PDCD1LG2: variants seen among roughly 807,000 people sequenced by gnomAD.
PDCD1LG2 encodes the protein B7 dendritic cell molecule.
PDCD1LG2 carries 32 observed loss-of-function variants against 28.2 expected under a neutral mutation model. The ratio of observed to expected loss-of-function variants is 1.13; its 90% confidence interval spans 0.86 to 1.52. The LOEUF (loss-of-function observed/expected upper bound fraction) is 1.52, where lower values mean the gene tolerates loss of function less well. PDCD1LG2 is among the 40% of genes most tolerant of loss of function. PDCD1LG2 has a pLI of 0.00. For synonymous variants in PDCD1LG2, 116 were observed against 120.2 expected, an observed-to-expected ratio of 0.97 and a Z score of 0.23; for missense variants, 385 against 323.8, an observed-to-expected ratio of 1.19 and a Z score of -1.45.
Position 5,557,648 on chromosome 9 carries a change from G to T in PDCD1LG2, c.662G>T (p.Trp221Leu), listed in dbSNP as rs1368948041. The T allele has an allele frequency of 1.2e-6, 2 of 1,613,962 alleles. No individual in the cohort carries two copies. The highest frequency in any genetic ancestry group is 1.1e-5 in the South Asian group (1 of 91,084). Reference sequence around the variant, plus strand: ...ATGGAACCCAGGACCCATCCAACTTGGCTGCTTCACATTTTCATCCCCTTC... The same window carrying T: ...ATGGAACCCAGGACCCATCCAACTTTGCTGCTTCACATTTTCATCCCCTTC... ...SQMEPRTHPTWLLHIFIPFCI... is the reference protein window; with the variant it reads ...SQMEPRTHPTLLLHIFIPFCI... The change falls in exon 5 of 7, where the codon TGG becomes TTG. Residue 221 changes from tryptophan (W) to leucine (L), a missense_variant. By Grantham distance (61) the Trp-to-Leu change is moderately conservative. Transcript: ENST00000397747.
chr9:5,512,053 A>T (rs958488269), intron 1 of PDCD1LG2, among the ~76,000 whole-genome samples: 4 of 152,220 alleles, frequency 2.6e-5, no homozygotes, highest in African/African-American at 9.6e-5. Flanking sequence ...GGTTGATTTG[A>T]AAAAGGAGAT....
intron 3 of PDCD1LG2, among the ~76,000 whole-genome samples, chr9:5,545,374 T>C (rs1389755765): frequency 6.6e-6 from 1 of 152,272 alleles, no homozygotes; most frequent in Non-Finnish European, 1.5e-5. Flanking sequence ...ACAATTTTGC[T>C]TGGCATGAAG....
Position 5,549,657 on chromosome 9 carries a change from C to T in PDCD1LG2, c.631+53C>T, listed in dbSNP as rs1816287557. 3.1e-6 allele frequency: 5 copies of T among 1,595,646 alleles called. No homozygotes were observed. The South Asian group carries it at 4.5e-5, about 14-fold the overall frequency. ...TATCAGTTAGGGTTCAGACAAGAAA[C>T]AGATGGCATACTCGAGTGATTTGAG... On this transcript the variant is annotated intron_variant, in intron 4 of 6. Transcript: ENST00000397747.
At chr9:5,539,054 T>C (rs886382878) in intron 3 of PDCD1LG2, among the ~76,000 whole-genome samples, 8 of 152,222 alleles carry the variant, frequency 5.3e-5, no homozygotes, top group African/African-American at 1.9e-4. Context: ...TCAAGGATAA[T>C]GTTGTATATA....
chr9:5,545,866 G>A (rs1267571169), intron 3 of PDCD1LG2, among the ~76,000 whole-genome samples: 3 of 152,138 alleles, frequency 2.0e-5, no homozygotes, highest in East Asian at 1.9e-4. Flanking sequence ...AATTATCTAG[G>A]AGAATTGCTG....
chr9:5,567,783 C>A (rs896820121), intron 6 of PDCD1LG2, among the ~76,000 whole-genome samples: 3 of 152,186 alleles, frequency 2.0e-5, no homozygotes, highest in African/African-American at 7.2e-5. Context: ...CATGTGGGAA[C>A]TAGAAGGATG....
intron 5 of PDCD1LG2, among the ~76,000 whole-genome samples, chr9:5,559,893 C>T (rs10975179): frequency 0.19 from 28,646 of 152,094 alleles, 4,187 homozygotes; most frequent in African/African-American, 0.41. Context: ...GCTCTAACCA[C>T]ACAGGATTTT....
chr9:5,534,359 G>T (rs1316219496), intron 2 of PDCD1LG2, among the ~76,000 whole-genome samples: 2 of 152,196 alleles, frequency 1.3e-5, no homozygotes, highest in East Asian at 1.9e-4. Flanking sequence ...GAAGTCGAAA[G>T]GAAGCATTTT....
chr9:5,533,043 C>G (rs1173246114), intron 2 of PDCD1LG2, among the ~76,000 whole-genome samples: 1 of 152,208 alleles, frequency 6.6e-6, no homozygotes, highest in African/African-American at 2.4e-5. Flanking sequence ...CTATGCTCTT[C>G]CGTATCACAT....
intron 6 of PDCD1LG2, among the ~76,000 whole-genome samples, chr9:5,566,874 T>C (rs56693933): frequency 3.9e-5 from 6 of 152,318 alleles, no homozygotes; most frequent in African/African-American, 1.2e-4. Context: ...GTATCATTCA[T>C]GTCCTATTAA....
intron 2 of PDCD1LG2, among the ~76,000 whole-genome samples, chr9:5,522,896 A>C (rs531263598): frequency 6.6e-6 from 1 of 152,324 alleles, no homozygotes; most frequent in Admixed American, 6.5e-5. Context: ...CTAAACTGAT[A>C]CAAGAGGGCA....
At chr9:5,553,304 C>T (rs571155551) in intron 4 of PDCD1LG2, among the ~76,000 whole-genome samples, 37 of 152,280 alleles carry the variant, frequency 2.4e-4, no homozygotes, top group Middle Eastern at 3.4e-3. Flanking sequence ...AAGATGAACT[C>T]TAACTAATTC....
In PDCD1LG2 at chr9:5,549,650, C is replaced by T. The variant is rs1350027127; in HGVS notation, c.631+46C>T. ...CTAGGTCTATCAGTTAGGGTTCAGACAAGAAACAGATGGCATACTCGAGTG... is the reference window on the plus strand; with the variant it reads ...CTAGGTCTATCAGTTAGGGTTCAGATAAGAAACAGATGGCATACTCGAGTG... On this transcript the variant is annotated intron_variant, in intron 4 of 6. Transcript: ENST00000397747. The T allele has an allele frequency of 3.1e-6, 5 of 1,602,342 alleles. No individual in the cohort carries two copies. The African/African-American group carries it at 5.4e-5, about 17-fold the overall frequency.
chr9:5,552,910 G>A (rs561583150), intron 4 of PDCD1LG2, among the ~76,000 whole-genome samples: 1 of 152,254 alleles, frequency 6.6e-6, no homozygotes, highest in East Asian at 1.9e-4. Context: ...TAGTTTAGAA[G>A]GAAAGAGAGG....
intron 1 of PDCD1LG2, among the ~76,000 whole-genome samples, chr9:5,516,859 C>G (rs1228017350): frequency 6.6e-6 from 1 of 152,194 alleles, no homozygotes; most frequent in African/African-American, 2.4e-5. Flanking sequence ...CACTTTCAAC[C>G]TTGTGGGAGC....
chr9:5,551,723 C>G (rs1816337720), intron 4 of PDCD1LG2, among the ~76,000 whole-genome samples: 2 of 152,106 alleles, frequency 1.3e-5, no homozygotes, highest in Admixed American at 1.3e-4. Flanking sequence ...TGAGTGTAAG[C>G]CTAACTAGAA....
Position 5,534,629 on chromosome 9 carries a change from G to C in PDCD1LG2, c.56-116G>C, listed in dbSNP as rs192614558. 1.4e-4 allele frequency: 125 copies of C among 879,858 alleles called. No homozygotes were observed. In the African/African-American group the frequency reaches 1.7e-3, roughly 12 times the overall value. 54.5% of individuals were successfully genotyped at this position (879,858 alleles called of 1,614,324 possible). ...AAAGGATTCGCCACGGGAATGTCCA[G>C]ATAAGACAGGTGCCTTTTGGAAAAT... On this transcript the variant is annotated intron_variant, in intron 2 of 6. Coordinates refer to ENST00000397747, the MANE Select transcript of PDCD1LG2 (RefSeq NM_025239.4).
At chr9:5,525,500 A>G (rs1820356579) in intron 2 of PDCD1LG2, among the ~76,000 whole-genome samples, 1 of 151,572 alleles carries the variant, frequency 6.6e-6, no homozygotes, top group East Asian at 1.9e-4. Flanking sequence ...GTATATTTGC[A>G]GAATATATAT....
At position 5,544,698 on chromosome 9, in the gene PDCD1LG2, G is replaced by A. The variant is rs184132153; in HGVS notation, c.362-4637G>A. Reference sequence around the variant, plus strand: ...GACTAGATCTATAACAGACTGAAAAGCTAGTAGTTGTTGAGTCAGGGACAA... The same window carrying A: ...GACTAGATCTATAACAGACTGAAAAACTAGTAGTTGTTGAGTCAGGGACAA... On this transcript the variant is annotated intron_variant, in intron 3 of 6. Coordinates refer to ENST00000397747, the MANE Select transcript of PDCD1LG2 (RefSeq NM_025239.4). Among the ~76,000 whole-genome samples, 8 of 152,142 alleles carry A rather than the reference G, an allele frequency of 5.3e-5. No individual in the cohort carries two copies. The East Asian group carries it at 1.5e-3, about 29-fold the overall frequency.
Sources: allele counts gnomAD v4.1 joint callset (sites outside exome capture counted in the v4.1 genomes callset), GRCh38; gene constraint gnomAD v4.1.1; transcripts MANE v1.5; gene names NCBI Gene and HGNC (gene_info 2026-07-23, HGNC 2026-07-21).